TFR2: variants seen among roughly 807,000 people sequenced by gnomAD.
TFR2 encodes transferrin receptor 2.
A neutral mutation model predicts 91.9 loss-of-function variants in TFR2; 64 were observed. The observed-to-expected ratio is 0.70, with a 90% CI of 0.57 to 0.86. The LOEUF (loss-of-function observed/expected upper bound fraction) is 0.86. Ranked by LOEUF, TFR2 falls within the 40% of genes least tolerant of loss-of-function variation. The probability of loss-of-function intolerance (pLI) is 0.00; values close to 1 mark genes in which losing one functional copy is unlikely to be tolerated. For missense variants in TFR2, 950 were observed against 1,080.5 expected, an observed-to-expected ratio of 0.88 and a Z score of 1.69; for synonymous variants, 454 against 459.6, an observed-to-expected ratio of 0.99 and a Z score of 0.15.
chr7:100,641,012 A>G lies in TFR2; in HGVS notation c.250T>C (p.Tyr84His). 3 of 1,605,228 alleles carry G rather than the reference A, an allele frequency of 1.9e-6. No homozygotes were observed. Among genetic ancestry groups the G allele is most frequent in the Non-Finnish European group, 2.6e-6 (3 of 1,174,646 alleles). Reference sequence around the variant, plus strand: ...ATCAGCAGGGCCGTCAGGACCAGGTAGGGGGCAGCCCTCCGTCCTGCTGCC... The same window carrying G: ...ATCAGCAGGGCCGTCAGGACCAGGTGGGGGGCAGCCCTCCGTCCTGCTGCC... ...WAAAGRRAAP[Y>H]LVLTALLIFT... Residue 84 changes from tyrosine (Y) to histidine (H), a missense_variant, in exon 2 of 18, where the codon TAC becomes CAC. Coordinates refer to ENST00000223051, the MANE Select transcript of TFR2 (RefSeq NM_003227.4).
Position 100,633,113 on chromosome 7 carries a change from A to G in TFR2, c.737T>C (p.Val246Ala). 1 of 1,613,374 alleles carries G rather than the reference A, an allele frequency of 6.2e-7. No individual in the cohort carries two copies. Among genetic ancestry groups the G allele is most frequent in the Non-Finnish European group, 8.5e-7 (1 of 1,179,864 alleles). Residue 246 changes from valine to alanine, a missense_variant, in exon 6 of 18, where the codon GTG becomes GCG. Val to Ala is a moderately conservative substitution (Grantham distance 64, BLOSUM62 0). Transcript: ENST00000223051. Reference protein sequence around the residue: ...SAIGNVTGELVYAHYGRPEDL... With the variant: ...SAIGNVTGELAYAHYGRPEDL... ...TTCGGGCCGCCCGTAGTGGGCGTAC[A>G]CCAGCTCTCCCTGGGGACACGAGGA...
intron 3 of TFR2, chr7:100,633,773 A>C: frequency 1.4e-6 from 1 of 695,960 alleles, no homozygotes; most frequent in Non-Finnish European, 2.1e-6. Flanking sequence ...CAGTGGACCA[A>C]TCTCGGCTCT....
At position 100,630,915 on chromosome 7, in the gene TFR2, C is replaced by T. The variant is rs2131316984; in HGVS notation, c.1244G>A (p.Gly415Asp). 1 of 1,613,120 alleles carries T rather than the reference C, an allele frequency of 6.2e-7. No individual in the cohort carries two copies. Among genetic ancestry groups the T allele is most frequent in the Non-Finnish European group, 8.5e-7 (1 of 1,179,852 alleles). ...TGGCTCTGAGCGGCCTTCGATGCAG[C>T]CGAAGATGTTGTTGATGGGGGTGGA... ...RTSTPINNIF[G>D]CIEGRSEPDH... Residue 415 changes from glycine (G) to aspartate (D), a missense_variant, in exon 9 of 18, where the codon GGC (glycine) becomes GAC (aspartate). Coordinates refer to ENST00000223051, the MANE Select transcript of TFR2 (RefSeq NM_003227.4).
rs185585737 is a variant in TFR2 at position 100,625,190 on chromosome 7, G to A, written c.2136+1573C>T. 3.1e-3 allele frequency among the ~76,000 whole-genome samples: 475 copies of A among 151,550 alleles called. 2 individuals are homozygous for A. The highest frequency in any genetic ancestry group is 0.012 in the South Asian group (57 of 4,816). On this transcript the variant is annotated intron_variant, in intron 17 of 17. Transcript: ENST00000223051. ...TTCTCCTGCCTCAGCCTCCTGAGTA[G>A]CTGGGATTACAGGCGTGTGCCACCA...
chr7:100,637,292 G>C (rs751199170), intron 3 of TFR2, among the ~76,000 whole-genome samples: 2 of 152,004 alleles, frequency 1.3e-5, no homozygotes, highest in South Asian at 2.1e-4. Flanking sequence ...CCAGCTACTC[G>C]GGGAGCTGAG....
intron 6 of TFR2, 178 bp downstream of exon 6, chr7:100,632,823 G>A (rs1365748700): frequency 1.0e-6 from 1 of 969,408 alleles, no homozygotes; most frequent in African/African-American, 1.6e-5. Context: ...CTCCTGTCTT[G>A]GCCTCCTAAA....
chr7:100,623,452 C>T (rs117564490), intron 17 of TFR2, among the ~76,000 whole-genome samples: 213 of 152,198 alleles, frequency 1.4e-3, no homozygotes, highest in East Asian at 0.012. Context: ...ACTCTCAAGA[C>T]ATTTGCAATC....
intron 6 of TFR2, chr7:100,632,719 A>C: frequency 2.6e-5 from 1 of 39,178 alleles, no homozygotes; most frequent in Non-Finnish European, 4.1e-5. Context: ...CAGCTAACTA[A>C]AAAAAAAAAA....
At chr7:100,621,199 G>T (rs533798623) in intron 17 of TFR2, 73 bp from the exon 18 acceptor site, 1 of 1,407,202 alleles carries the variant, frequency 7.1e-7, no homozygotes, top group South Asian at 1.6e-5. Flanking sequence ...CACCCTTCCC[G>T]CCAGCCAGTC....
At chr7:100,628,984 A>G (rs1402497184) in intron 10 of TFR2, among the ~76,000 whole-genome samples, 1 of 151,984 alleles carries the variant, frequency 6.6e-6, no homozygotes, top group Non-Finnish European at 1.5e-5. Flanking sequence ...GCTGGTCTCA[A>G]ACTCCTGACC....
chr7:100,634,765 C>G (rs1803542516), intron 3 of TFR2, among the ~76,000 whole-genome samples: 1 of 152,218 alleles, frequency 6.6e-6, no homozygotes, highest in South Asian at 2.1e-4. Flanking sequence ...AGACCCTTCG[C>G]AAATGGTGAA....
intron 3 of TFR2, among the ~76,000 whole-genome samples, chr7:100,638,907 C>T (rs768213129): frequency 1.5e-4 from 23 of 151,958 alleles, no homozygotes; most frequent in Middle Eastern, 6.8e-3. Flanking sequence ...GAGGCCCTAT[C>T]TCAAAAAAAT....
intron 3 of TFR2, among the ~76,000 whole-genome samples, chr7:100,639,362 C>T (rs777815934): frequency 4.6e-5 from 7 of 152,074 alleles, no homozygotes; most frequent in Non-Finnish European, 8.8e-5. Flanking sequence ...AGGGAGACTC[C>T]GTCTCAAAAA....
chr7:100,627,582 T>G lies in TFR2; in HGVS notation c.1762A>C (p.Met588Leu). 1.2e-6 allele frequency: 2 copies of G among 1,613,990 alleles called. No homozygotes were observed. Among genetic ancestry groups the G allele is most frequent in the Non-Finnish European group, 8.5e-7 (1 of 1,179,972 alleles). The change falls in exon 15 of 18, where the codon ATG becomes CTG. Residue 588 changes from methionine to leucine, a missense_variant. Coordinates refer to ENST00000223051, the MANE Select transcript of TFR2 (RefSeq NM_003227.4). Reference sequence around the variant, plus strand: ...GCAGGGGGAGGACGTCTCACCTCCATAAAGGAGAACTCGACGGCAGGGACT... The same window carrying G: ...GCAGGGGGAGGACGTCTCACCTCCAGAAAGGAGAACTCGACGGCAGGGACT... ...VGVPAVEFSF[M>L]EDDQAYPFLH... is the part of the protein sequence containing the mutation.
intron 17 of TFR2, among the ~76,000 whole-genome samples, chr7:100,623,028 A>G (rs2131306163): frequency 6.6e-6 from 1 of 151,730 alleles, no homozygotes. Context: ...TAATCCCAGC[A>G]CTTTGGGAGG....
Position 100,633,287 on chromosome 7 carries a change from T to G in TFR2, c.668A>C (p.Gln223Pro). 6.2e-7 allele frequency: 1 copy of G among 1,613,770 alleles called. No individual in the cohort carries two copies. ...WVDEAGKVGE[Q>P]LPLEDPDVYC... ...GACGTCAGGGTCCTCCAGCGGCAGC[T>G]GCTCTCCGACCTTCCCGGCCTCATC... Residue 223 changes from glutamine to proline, a missense_variant, in exon 5 of 18, where the codon CAG (glutamine) becomes CCG (proline). Gln to Pro is a moderately conservative substitution (Grantham distance 76). Transcript: ENST00000223051.
At position 100,627,817 on chromosome 7, in the gene TFR2, C is replaced by T. The variant is rs1452386674; in HGVS notation, c.1609G>A (p.Asp537Asn). 1 of 1,614,050 alleles carries T rather than the reference C, an allele frequency of 6.2e-7. No homozygotes were observed. The highest frequency in any genetic ancestry group is 1.7e-5 in the Admixed American group (1 of 60,008). The change falls in exon 14 of 18, where the codon GAT becomes AAT. Residue 537 changes from aspartate to asparagine, a missense_variant. Transcript: ENST00000223051. Reference sequence around the variant, plus strand: ...GTCTGCCCACTGTGGTTGGGAGAATCCACCTGGGGGTTGGGGAAGGGCACT... The same window carrying T: ...GTCTGCCCACTGTGGTTGGGAGAATTCACCTGGGGGTTGGGGAAGGGCACT... ...SLIESVLKQV[D>N]SPNHSGQTLY...
chr7:100,641,316 G>A, intron 1 of TFR2, 88 bp from the exon 2 acceptor site: 2 of 1,357,808 alleles, frequency 1.5e-6, no homozygotes, highest in Non-Finnish European at 1.0e-6. Context: ...TGACTTGGGG[G>A]TGTCAAATGA....
chr7:100,631,995 A>G, intron 7 of TFR2, 50 bp from the exon 8 acceptor site: 7 of 1,614,110 alleles, frequency 4.3e-6, no homozygotes, highest in Non-Finnish European at 5.9e-6. Context: ...GCTTCCAGGA[A>G]AAACGAAAAA....
Sources: allele counts gnomAD v4.1 joint callset (sites outside exome capture counted in the v4.1 genomes callset), GRCh38; gene constraint gnomAD v4.1.1; transcripts MANE v1.5; gene names NCBI Gene and HGNC (gene_info 2026-07-23, HGNC 2026-07-21).